The following KATNAL2 variants were observed in gnomAD, a reference collection of about 807,000 sequenced individuals.
KATNAL2 encodes katanin p60 ATPase-containing subunit A-like 2.
A neutral mutation model predicts 76.3 loss-of-function variants in KATNAL2; 52 were observed. That is an observed-to-expected ratio of 0.68 (90% CI 0.55 to 0.86). The LOEUF (loss-of-function observed/expected upper bound fraction) is 0.86. KATNAL2 is among the 40% of genes least tolerant of loss of function. The pLI is 0.00. For missense variants in KATNAL2, 660 were observed against 668.9 expected, an observed-to-expected ratio of 0.99 and a Z score of 0.15; for synonymous variants, 243 against 244.2, an observed-to-expected ratio of 1.00 and a Z score of 0.05.
Position 47,069,466 on chromosome 18 carries a change from A to T in KATNAL2, c.890-16A>T. The stretch of plus-strand genomic sequence containing the variant: ...GAGTTGAAATGCCTGCTCATCTTTT[A>T]TGTGTTTCTCTTTAGGTACAGGAAA... On this transcript the variant is annotated splice_polypyrimidine_tract_variant and intron_variant, in intron 12 of 17. Transcript: ENST00000683218. The T allele has an allele frequency of 1.9e-6, 3 of 1,575,244 alleles. No homozygotes were observed. The highest frequency in any genetic ancestry group is 2.6e-6 in the Non-Finnish European group (3 of 1,149,962).
intron 1 of KATNAL2, among the ~76,000 whole-genome samples, chr18:46,938,230 A>G (rs1183729246): frequency 3.3e-5 from 5 of 152,214 alleles, no homozygotes; most frequent in African/African-American, 1.2e-4. Context: ...CTCTTTATAT[A>G]TGTTTTTCAA....
chr18:47,053,446 G>A (rs891345603), intron 5 of KATNAL2, among the ~76,000 whole-genome samples: 2 of 152,124 alleles, frequency 1.3e-5, no homozygotes, highest in Non-Finnish European at 1.5e-5. Flanking sequence ...TGAGTATTGG[G>A]GAAGCTAATA....
At chr18:46,933,723 T>C (rs1852675877) in intron 1 of KATNAL2, among the ~76,000 whole-genome samples, 1 of 148,576 alleles carries the variant, frequency 6.7e-6, no homozygotes, top group African/African-American at 2.5e-5. Flanking sequence ...ATGTGCCATG[T>C]TGGTGTGCTG....
At chr18:46,930,822 G>T (rs899196345) in intron 1 of KATNAL2, among the ~76,000 whole-genome samples, 2 of 150,358 alleles carry the variant, frequency 1.3e-5, no homozygotes, top group Non-Finnish European at 3.0e-5. Flanking sequence ...AAATAAATAG[G>T]CCAGGCGCAG....
intron 1 of KATNAL2, among the ~76,000 whole-genome samples, chr18:46,929,920 G>A (rs912198488): frequency 4.6e-5 from 7 of 152,048 alleles, no homozygotes; most frequent in Non-Finnish European, 5.9e-5. Flanking sequence ...GATTACAGGC[G>A]CATGCCACCA....
At chr18:46,933,953 C>A (rs2059012915) in intron 1 of KATNAL2, among the ~76,000 whole-genome samples, 1 of 149,932 alleles carries the variant, frequency 6.7e-6, no homozygotes, top group East Asian at 2.0e-4. Flanking sequence ...CAGTTTCATC[C>A]ATGTCCCTAC....
rs183337455 is a variant in KATNAL2 at position 47,071,748 on chromosome 18, G to T, written c.1008+2148G>T. 4.6e-5 allele frequency among the ~76,000 whole-genome samples: 7 copies of T among 151,750 alleles called. No individual in the cohort carries two copies. In the East Asian group the frequency reaches 1.4e-3, roughly 29 times the overall value. On this transcript the variant is annotated intron_variant, in intron 13 of 17. Transcript: ENST00000683218. ...AAGATTGAAGTTACATGGATTTTCT[G>T]GTTTAATGTTGAATAGCCAGAAAAG...
chr18:47,066,847 T>TTATATATA lies in KATNAL2; in HGVS notation c.727-135_727-128dup, dbSNP rs56018747. Among the ~76,000 whole-genome samples the TTATATATA allele has an allele frequency of 6.5e-3, 192 of 29,524 alleles. 7 individuals carry two copies. Among genetic ancestry groups the TTATATATA allele is most frequent in the Middle Eastern group, 0.024 (1 of 42 alleles). 19.4% of individuals were successfully genotyped at this position (29,524 alleles called of 152,430 possible). A position where few individuals can be genotyped will look rare whatever the true frequency, so the allele number is the denominator to read the frequency against. ...CCAAAATTACAATGTATATATGTGT[T>TTATATATA]TATATATATATATATATATATATAT... On this transcript the variant is annotated intron_variant, in intron 10 of 17. Transcript: ENST00000683218.
At chr18:46,945,957 G>A (rs1402064859) in intron 1 of KATNAL2, 100 bp from the exon 2 acceptor site, 4 of 152,886 alleles carry the variant, frequency 2.6e-5, no homozygotes, top group African/African-American at 9.7e-5. Flanking sequence ...GGAAGGTGAG[G>A]AAATGAGGAA....
At chr18:47,072,980 G>A (rs981428460) in intron 13 of KATNAL2, among the ~76,000 whole-genome samples, 19 of 152,084 alleles carry the variant, frequency 1.2e-4, no homozygotes, top group African/African-American at 3.6e-4. Flanking sequence ...CAAAGCTAGA[G>A]TGGGCAGTCT....
intron 14 of KATNAL2, chr18:47,075,992 T>C (rs993233416): frequency 6.6e-5 from 10 of 152,190 alleles, no homozygotes; most frequent in Admixed American, 5.9e-4. Flanking sequence ...TGTTGTGCTT[T>C]TTGTTCGTTC....
intron 15 of KATNAL2, among the ~76,000 whole-genome samples, chr18:47,082,281 C>T (rs2062562445): frequency 6.6e-6 from 1 of 152,180 alleles, no homozygotes; most frequent in Admixed American, 6.5e-5. Context: ...TTAGCAGCAT[C>T]TCTGGCCCAC....
At chr18:47,035,534 G>T in intron 3 of KATNAL2, 1 of 680,634 alleles carries the variant, frequency 1.5e-6, no homozygotes, top group East Asian at 2.8e-5. Flanking sequence ...AGTTTGCTGT[G>T]CAACAAAGAA....
rs2059389858 is a variant in KATNAL2, at chr18:46,946,714, T to G, written c.-19-140T>G. 2.8e-6 allele frequency: 3 copies of G among 1,082,138 alleles called. No individual in the cohort carries two copies. In the South Asian group the frequency reaches 4.6e-5, roughly 17 times the overall value. The allele number at this position is 1,082,138 out of a possible 1,614,324, so 67.0% of individuals were successfully genotyped here. ...GCATGGTCTAACATTGATTGGCATG[T>G]TAAAGAATCCTTCTGTGGCCAGCGA... On this transcript the variant is annotated intron_variant, in intron 2 of 17. Coordinates refer to ENST00000683218, the MANE Select transcript of KATNAL2 (RefSeq NM_001387690.1).
In KATNAL2 at chr18:47,053,051, A is replaced by T. The variant is rs774122853; in HGVS notation, c.289+5A>T. ...TCAAAAAGTCATCAGACACAGGTAC[A>T]TGCCTATTTTCTAGAGATAAGGCTT... On this transcript the variant is annotated splice_donor_5th_base_variant and intron_variant, in intron 5 of 17. Transcript: ENST00000683218. The T allele has an allele frequency of 5.7e-6, 9 of 1,582,124 alleles. No homozygotes were observed. The highest frequency in any genetic ancestry group is 1.4e-5 in the African/African-American group (1 of 73,770).
intron 1 of KATNAL2, among the ~76,000 whole-genome samples, chr18:46,932,199 C>T (rs890886514): frequency 3.3e-5 from 5 of 152,122 alleles, no homozygotes; most frequent in Admixed American, 3.3e-4. Flanking sequence ...GCGTGAGCCA[C>T]CACGCCCGTC....
At chr18:46,952,101 A>G (rs1419327548) in intron 3 of KATNAL2, among the ~76,000 whole-genome samples, 1 of 151,918 alleles carries the variant, frequency 6.6e-6, no homozygotes, top group East Asian at 1.9e-4. Context: ...TTTTAGAGAC[A>G]GACAAAGTCT....
intron 8 of KATNAL2, among the ~76,000 whole-genome samples, chr18:47,061,009 T>C (rs1341734006): frequency 6.6e-6 from 1 of 152,210 alleles, no homozygotes; most frequent in Admixed American, 6.5e-5. Context: ...ACTTAACCTT[T>C]GAAATAGTCT....
intron 4 of KATNAL2, among the ~76,000 whole-genome samples, chr18:47,052,676 C>T (rs926409906): frequency 6.6e-6 from 1 of 152,176 alleles, no homozygotes; most frequent in Admixed American, 6.5e-5. Context: ...TCAAAGGCAA[C>T]TGCTTTGAAA....
Sources: gnomAD v4.1 joint callset for allele counts (sites outside exome capture counted in the v4.1 genomes callset) on GRCh38, gnomAD v4.1.1 for gene constraint, MANE v1.5 for transcripts, NCBI Gene and HGNC (gene_info 2026-07-23, HGNC 2026-07-21) for gene names.